TMOD3: variants seen among roughly 807,000 people sequenced by gnomAD.
TMOD3 encodes tropomodulin-3.
A neutral mutation model predicts 39.2 loss-of-function variants in TMOD3; 20 were observed. The observed-to-expected ratio is 0.51, with a 90% CI of 0.36 to 0.74. The LOEUF (loss-of-function observed/expected upper bound fraction) is 0.74, where lower values mean the gene tolerates loss of function less well. Ranked by LOEUF, TMOD3 falls within the 30% of genes least tolerant of loss-of-function variation. TMOD3 has a pLI of 0.00. For missense variants in TMOD3, 381 were observed against 412.8 expected (o/e 0.92, Z 0.67); for synonymous variants, 143 against 145.8 (o/e 0.98, Z 0.14).
At position 51,912,172 on chromosome 15, in the gene TMOD3, AATC is replaced by A. The variant is rs1289898880; in HGVS notation, c.*3363_*3365del. On this transcript the variant is annotated 3_prime_UTR_variant, in exon 10 of 10. Coordinates refer to ENST00000308580, the MANE Select transcript of TMOD3 (RefSeq NM_014547.5). ...GCCGGGTGCGGTGGCTCACGCCTGT[AATC>A]CTAGCACTTTGGGAGGCCGAGGTGG... is the stretch of plus-strand genomic sequence containing the variant. 6.6e-5 allele frequency: 10 copies of A among 152,312 alleles called. No individual in the cohort carries two copies. The highest frequency in any genetic ancestry group is 5.9e-4 in the Admixed American group (9 of 15,302). 9.4% of individuals were successfully genotyped at this position (152,312 alleles called of 1,614,324 possible). A position where few individuals can be genotyped will look rare whatever the true frequency, so the allele number is the denominator to read the frequency against.
intron 2 of TMOD3, 26 bp downstream of exon 2, chr15:51,863,036 T>C (rs2056427218): frequency 1.3e-6 from 2 of 1,594,022 alleles, no homozygotes; most frequent in Non-Finnish European, 1.7e-6. Flanking sequence ...TGAAGAGAAA[T>C]GAAATAACTT....
chr15:51,863,139 A>G, intron 2 of TMOD3, 129 bp downstream of exon 2: 1 of 974,228 alleles, frequency 1.0e-6, no homozygotes, highest in Non-Finnish European at 1.5e-6. Flanking sequence ...ATCCAAATCA[A>G]GTTGCTTTTG....
rs1192670405 is a variant in TMOD3 at position 51,911,725 on chromosome 15, C to T, written c.*2915C>T. ...ATACTCATATTTGTCTGAATTTTTC[C>T]AGTATTCCTACATGAAATTGTATGT... is the stretch of plus-strand genomic sequence containing the variant. On this transcript the variant is annotated 3_prime_UTR_variant, in exon 10 of 10. Transcript: ENST00000308580. The T allele has an allele frequency of 6.6e-6, 1 of 151,954 alleles. No homozygotes were observed. The highest frequency in any genetic ancestry group is 2.4e-5 in the African/African-American group (1 of 41,408). 9.4% of individuals were successfully genotyped at this position (151,954 alleles called of 1,614,324 possible).
At chr15:51,863,075 C>G in intron 2 of TMOD3, 65 bp downstream of exon 2, 1 of 1,519,906 alleles carries the variant, frequency 6.6e-7, no homozygotes, top group Non-Finnish European at 8.9e-7. Context: ...CAGTAGCTGC[C>G]TTTGAGCTTT....
intron 1 of TMOD3, among the ~76,000 whole-genome samples, chr15:51,830,370 G>A (rs1439572375): frequency 1.3e-5 from 2 of 152,238 alleles, no homozygotes; most frequent in African/African-American, 4.8e-5. Context: ...CTCCCAGGCA[G>A]CACAGCTGGA....
intron 1 of TMOD3, among the ~76,000 whole-genome samples, chr15:51,853,210 G>A (rs2436661): frequency 0.47 from 71,666 of 151,816 alleles, 17,156 homozygotes; most frequent in Admixed American, 0.54. Flanking sequence ...TTTATTGTTT[G>A]TTTATTTTTA....
Position 51,862,942 on chromosome 15 carries a change from C to T in TMOD3, c.58C>T (p.Leu20Phe). 1.9e-6 allele frequency: 3 copies of T among 1,614,070 alleles called. No individual in the cohort carries two copies. The highest frequency in any genetic ancestry group is 2.2e-5 in the East Asian group (1 of 44,870). The change falls in exon 2 of 10, where the codon CTC (leucine) becomes TTC (phenylalanine). Residue 20 changes from leucine to phenylalanine, a missense_variant. Leu to Phe is a conservative substitution (Grantham distance 22). Transcript: ENST00000308580. ...EKYKDLDEDELLGNLSETELK... is the reference protein window; with the variant it reads ...EKYKDLDEDEFLGNLSETELK... ...GTACAAAGACCTTGATGAAGATGAG[C>T]TCCTTGGGAATCTGTCAGAAACAGA...
intron 5 of TMOD3, among the ~76,000 whole-genome samples, chr15:51,889,390 A>C (rs2056581146): frequency 6.6e-6 from 1 of 152,168 alleles, no homozygotes; most frequent in African/African-American, 2.4e-5. Flanking sequence ...ACAGTATAAA[A>C]GCTAGTCCAA....
chr15:51,902,427 G>T (rs1432214113), intron 9 of TMOD3, among the ~76,000 whole-genome samples: 1 of 152,112 alleles, frequency 6.6e-6, no homozygotes, highest in Non-Finnish European at 1.5e-5. Context: ...TGTGGATATA[G>T]AAATATATAA....
At chr15:51,876,093 A>G (rs908661876) in intron 3 of TMOD3, among the ~76,000 whole-genome samples, 4 of 152,154 alleles carry the variant, frequency 2.6e-5, no homozygotes, top group Non-Finnish European at 5.9e-5. Context: ...AATAGAGCCT[A>G]TCTTTCTTTA....
intron 1 of TMOD3, among the ~76,000 whole-genome samples, chr15:51,840,731 A>G (rs914433599): frequency 3.3e-5 from 5 of 152,060 alleles, no homozygotes; most frequent in Non-Finnish European, 7.4e-5. Flanking sequence ...TTTAGAATTC[A>G]TTTTTTTGCA....
chr15:51,888,957 G>A (rs2056579092), intron 4 of TMOD3, 99 bp from the exon 5 acceptor site: 2 of 712,830 alleles, frequency 2.8e-6, no homozygotes, highest in East Asian at 3.0e-5. Flanking sequence ...TAATTTATAG[G>A]AAAAGGTCCA....
In TMOD3 at chr15:51,894,576, C is replaced by T. The variant is rs940323835; in HGVS notation, c.627+631C>T. Among the ~76,000 whole-genome samples the T allele has an allele frequency of 4.6e-5, 7 of 152,152 alleles. No individual in the cohort carries two copies. In the East Asian group the frequency reaches 1.3e-3, roughly 29 times the overall value. On this transcript the variant is annotated intron_variant, in intron 6 of 9. Coordinates refer to ENST00000308580, the MANE Select transcript of TMOD3 (RefSeq NM_014547.5). Reference sequence around the variant, plus strand: ...TCTCTCATACCCCTTTGTAGTCATTCTCTGACCCCCAGCTCTAGCCCCTGA... The same window carrying T: ...TCTCTCATACCCCTTTGTAGTCATTTTCTGACCCCCAGCTCTAGCCCCTGA...
intron 1 of TMOD3, chr15:51,860,948 A>G (rs1291149773): frequency 4.1e-6 from 2 of 482,154 alleles, no homozygotes; most frequent in African/African-American, 2.0e-5. Flanking sequence ...AAAACAAACA[A>G]AAACCTACAT....
At chr15:51,892,788 T>A (rs916798151) in intron 5 of TMOD3, among the ~76,000 whole-genome samples, 4 of 152,242 alleles carry the variant, frequency 2.6e-5, no homozygotes, top group African/African-American at 9.6e-5. Context: ...GATGAGATGC[T>A]AGATTTTATC....
intron 1 of TMOD3, among the ~76,000 whole-genome samples, chr15:51,843,828 C>T (rs1298838753): frequency 6.6e-6 from 1 of 151,766 alleles, no homozygotes; most frequent in Non-Finnish European, 1.5e-5. Flanking sequence ...AGCTGTGGAA[C>T]TTGGGAGAAT....
At chr15:51,867,819 G>A (rs1040698990) in intron 2 of TMOD3, among the ~76,000 whole-genome samples, 1 of 152,102 alleles carries the variant, frequency 6.6e-6, no homozygotes, top group Admixed American at 6.5e-5. Context: ...GTGAAAGGAC[G>A]GTACTCACTT....
chr15:51,902,247 A>G (rs2141708631), intron 9 of TMOD3, among the ~76,000 whole-genome samples: 1 of 152,318 alleles, frequency 6.6e-6, no homozygotes, highest in African/African-American at 2.4e-5. Context: ...GCTTCCTGTG[A>G]CAAGCGTATT....
intron 3 of TMOD3, among the ~76,000 whole-genome samples, chr15:51,882,138 A>G (rs2056538086): frequency 6.6e-6 from 1 of 151,526 alleles, no homozygotes; most frequent in Non-Finnish European, 1.5e-5. Flanking sequence ...CAGGTGATCC[A>G]TCCGCCTCCG....
Sources: gnomAD v4.1 joint callset for allele counts (sites outside exome capture counted in the v4.1 genomes callset) on GRCh38, gnomAD v4.1.1 for gene constraint, MANE v1.5 for transcripts, NCBI Gene and HGNC (gene_info 2026-07-23, HGNC 2026-07-21) for gene names.